PCDHGB3: variants seen among roughly 807,000 people sequenced by gnomAD.
PCDHGB3 encodes protocadherin gamma subfamily B, 3, also known as protocadherin gamma-B3.
A neutral mutation model predicts 59.2 loss-of-function variants in PCDHGB3; 40 were observed. The observed-to-expected ratio is 0.68, with a 90% CI of 0.52 to 0.88. The LOEUF is 0.88. Among genes scored for constraint, PCDHGB3 ranks in the 40% least tolerant of loss-of-function variants. The pLI is 0.00. For synonymous variants in PCDHGB3, 581 were observed against 503.6 expected (o/e 1.15, Z -2.06); for missense variants, 1,309 against 1,187.9 (o/e 1.10, Z -1.50).
At chr5:141,446,968 G>A (rs1052445705) in intron 1 of PCDHGB3, among the ~76,000 whole-genome samples, 12 of 152,050 alleles carry the variant, frequency 7.9e-5, no homozygotes, top group African/African-American at 2.4e-4. Flanking sequence ...AGGGAAATTT[G>A]CTGTCTAATT....
In PCDHGB3 at chr5:141,486,853, C is replaced by T. The variant is rs1401626024; in HGVS notation, c.2416-7954C>T. The stretch of plus-strand genomic sequence containing the variant: ...GTCTATTTGTGCTGGACCTCAATGA[C>T]AATGCTCCAGCTGTGCTCCGTCCTC... On this transcript the variant is annotated intron_variant, in intron 1 of 3. Coordinates refer to ENST00000576222, the MANE Select transcript of PCDHGB3 (RefSeq NM_018924.5). This position sits in a 1 kb window ranked among gnomAD's most constrained non-coding sequence, Gnocchi z 5.0. 6.2e-7 allele frequency: 1 copy of T among 1,614,244 alleles called. No individual in the cohort carries two copies. The highest frequency in any genetic ancestry group is 2.2e-5 in the East Asian group (1 of 44,886).
At chr5:141,404,063 G>A in intron 1 of PCDHGB3, 1 of 1,613,798 alleles carries the variant, frequency 6.2e-7, no homozygotes, top group Non-Finnish European at 8.5e-7. Context: ...TCTTTTCAAT[G>A]CTCATGACCG....
intron 1 of PCDHGB3, chr5:141,395,410 A>G: frequency 1.2e-6 from 1 of 801,764 alleles, no homozygotes; most frequent in Non-Finnish European, 1.9e-6. Context: ...GTCATAGGTT[A>G]TTGTTTCATT....
chr5:141,432,137 T>A lies in PCDHGB3; in HGVS notation c.2415+59328T>A. On this transcript the variant is annotated intron_variant, in intron 1 of 3. Coordinates refer to ENST00000576222, the MANE Select transcript of PCDHGB3 (RefSeq NM_018924.5). The surrounding 1 kb of genome is among the most constrained non-coding windows in gnomAD (Gnocchi z 6.0). ...CTTCCCTCAGGCCTCCTATTCCGCT[T>A]ATATCCCAGAGAACAATCCCAGAGG... 6.2e-7 allele frequency: 1 copy of A among 1,613,964 alleles called. No homozygotes were observed. Among genetic ancestry groups the A allele is most frequent in the Non-Finnish European group, 8.5e-7 (1 of 1,179,984 alleles).
intron 1 of PCDHGB3, among the ~76,000 whole-genome samples, chr5:141,475,250 A>G (rs941738675): frequency 6.6e-6 from 1 of 152,246 alleles, no homozygotes; most frequent in Non-Finnish European, 1.5e-5. Context: ...AGTGTGCTCT[A>G]CAACTGAGAT....
chr5:141,425,394 G>C (rs186813737), intron 1 of PCDHGB3, among the ~76,000 whole-genome samples: 2 of 152,184 alleles, frequency 1.3e-5, no homozygotes, highest in Non-Finnish European at 2.9e-5. Context: ...TAGTGATAAA[G>C]TTCTGTTAAG....
At chr5:141,423,187 C>G in intron 1 of PCDHGB3, 5 of 1,613,640 alleles carry the variant, frequency 3.1e-6, no homozygotes, top group Middle Eastern at 1.6e-4. Context: ...CGGCCAGCCC[C>G]CTCTCTCGGC....
chr5:141,499,138 G>A (rs765607930), intron 2 of PCDHGB3, among the ~76,000 whole-genome samples: 12 of 152,144 alleles, frequency 7.9e-5, no homozygotes, highest in Non-Finnish European at 1.5e-4. Flanking sequence ...TCCTTTGGGT[G>A]TCTGATCCCA....
At position 141,403,190 on chromosome 5, in the gene PCDHGB3, C is replaced by G. The variant is rs768673759; in HGVS notation, c.2415+30381C>G. The G allele has an allele frequency of 1.1e-5, 17 of 1,613,864 alleles. No homozygotes were observed. The African/African-American group carries it at 2.0e-4, about 19-fold the overall frequency. On this transcript the variant is annotated intron_variant, in intron 1 of 3. Coordinates refer to ENST00000576222, the MANE Select transcript of PCDHGB3 (RefSeq NM_018924.5). ...GACGCAGCTTTTCTCTCTGAACCCG[C>G]GCAGCGGCACCTTGGTCACCGCGGG...
chr5:141,502,470 G>A (rs1017558920), intron 2 of PCDHGB3, among the ~76,000 whole-genome samples: 5 of 150,916 alleles, frequency 3.3e-5, no homozygotes, highest in Admixed American at 2.6e-4. Flanking sequence ...AATACTTCCC[G>A]CAGCATCACA....
chr5:141,410,897 A>G (rs1276742953), intron 1 of PCDHGB3: 1 of 273,412 alleles, frequency 3.7e-6, no homozygotes, highest in African/African-American at 3.4e-5. Flanking sequence ...ACTGTTGCCT[A>G]GGCTGGAGTG....
chr5:141,491,980 C>T lies in PCDHGB3; in HGVS notation c.2416-2827C>T. ...AAAAAAGGCCGGGGCCTCCTTCGAG[C>T]TTCCGGTGAATTTCGGGCGATTTCC... On this transcript the variant is annotated intron_variant, in intron 1 of 3. Transcript: ENST00000576222. The surrounding 1 kb of genome is among the most constrained non-coding windows in gnomAD (Gnocchi z 6.9). The T allele has an allele frequency of 2.5e-6, 2 of 784,432 alleles. No individual in the cohort carries two copies. The highest frequency in any genetic ancestry group is 3.8e-6 in the Non-Finnish European group (2 of 530,588). 48.6% of individuals were successfully genotyped at this position (784,432 alleles called of 1,614,324 possible). A position where few individuals can be genotyped will look rare whatever the true frequency, so the allele number is the denominator to read the frequency against.
At position 141,431,118 on chromosome 5, in the gene PCDHGB3, A is replaced by C; in HGVS notation, c.2415+58309A>C. On this transcript the variant is annotated intron_variant, in intron 1 of 3. Coordinates refer to ENST00000576222, the MANE Select transcript of PCDHGB3 (RefSeq NM_018924.5). The surrounding 1 kb of genome is among the most constrained non-coding windows in gnomAD (Gnocchi z 4.8). ...GATAAAGTGAAAATATATGGAGTAG[A>C]AGTAGAAGTAAGGGACATTAACGAC... 6.2e-7 allele frequency: 1 copy of C among 1,614,182 alleles called. No individual in the cohort carries two copies. Among genetic ancestry groups the C allele is most frequent in the Non-Finnish European group, 8.5e-7 (1 of 1,179,974 alleles).
At chr5:141,499,698 T>C (rs1312388510) in intron 2 of PCDHGB3, among the ~76,000 whole-genome samples, 2 of 149,810 alleles carry the variant, frequency 1.3e-5, no homozygotes, top group African/African-American at 2.5e-5. Context: ...ACTTTTTTTT[T>C]TTTTTTTTTT....
At chr5:141,497,142 C>T (rs1316569011) in intron 2 of PCDHGB3, among the ~76,000 whole-genome samples, 2 of 149,678 alleles carry the variant, frequency 1.3e-5, no homozygotes, top group South Asian at 2.1e-4. Context: ...GCTGAGATCA[C>T]GAAAAAAAAA....
In PCDHGB3 at chr5:141,512,859, CAT is replaced by C. The variant is rs1474518602; in HGVS notation, c.*1688_*1689del. 6.6e-6 allele frequency: 1 copy of C among 152,296 alleles called. No homozygotes were observed. The highest frequency in any genetic ancestry group is 1.9e-4 in the East Asian group (1 of 5,200). The allele number at this position is 152,296 out of a possible 1,614,324, so 9.4% of individuals were successfully genotyped here. A position where few individuals can be genotyped will look rare whatever the true frequency, so the allele number is the denominator to read the frequency against. On this transcript the variant is annotated 3_prime_UTR_variant, in exon 4 of 4. Transcript: ENST00000576222. ...CTTCTCCTATAAGCGCTTCTCTTCG[CAT>C]AGTCACGTAGCTCCCACCCCACCCT... is the stretch of plus-strand genomic sequence containing the variant.
chr5:141,375,766 G>C lies in PCDHGB3; in HGVS notation c.2415+2957G>C, dbSNP rs754916018. The C allele has an allele frequency of 4.3e-6, 7 of 1,614,270 alleles. No homozygotes were observed. In the South Asian group the frequency reaches 7.7e-5, roughly 18 times the overall value. On this transcript the variant is annotated intron_variant, in intron 1 of 3. Coordinates refer to ENST00000576222, the MANE Select transcript of PCDHGB3 (RefSeq NM_018924.5). ...TGGACCAGAATGACAATGCGCCCGA[G>C]ATCCTGTACCCCGCCCTCCCCACAG...
chr5:141,374,478 G>A (rs781173070), intron 1 of PCDHGB3: 6 of 1,611,820 alleles, frequency 3.7e-6, no homozygotes, highest in Non-Finnish European at 5.1e-6. Context: ...AATACACCCC[G>A]ATTCTTAAAG....
chr5:141,499,260 G>T (rs2099790657), intron 2 of PCDHGB3, among the ~76,000 whole-genome samples: 1 of 152,028 alleles, frequency 6.6e-6, no homozygotes, highest in African/African-American at 2.4e-5. Context: ...GTCTCCATTT[G>T]GTCCCTAGAC....
Sources: allele counts gnomAD v4.1 joint callset (sites outside exome capture counted in the v4.1 genomes callset), GRCh38; gene constraint gnomAD v4.1.1; non-coding constraint Gnocchi (gnomAD v3.1); transcripts MANE v1.5; gene names NCBI Gene and HGNC (gene_info 2026-07-23, HGNC 2026-07-21).